ROBO2: variants seen among roughly 807,000 people sequenced by gnomAD.
ROBO2 encodes roundabout guidance receptor 2.
A neutral mutation model predicts 160.8 loss-of-function variants in ROBO2; 53 were observed. The observed-to-expected ratio is 0.33, with a 90% CI of 0.26 to 0.41. The LOEUF (loss-of-function observed/expected upper bound fraction) is 0.41. ROBO2 is among the 10% of genes least tolerant of loss of function. The pLI is 1.00. For missense variants in ROBO2, 1,577 were observed against 1,722.4 expected (o/e 0.92, Z 1.49); for synonymous variants, 664 against 611.7 (o/e 1.09, Z -1.26).
intron 2 of ROBO2, among the ~76,000 whole-genome samples, chr3:76,976,489 G>A (rs1430257496): frequency 1.3e-5 from 2 of 152,088 alleles, no homozygotes; most frequent in East Asian, 3.9e-4. Context: ...TTAATCTTTA[G>A]GTTGCATTTT....
At chr3:76,081,756 A>G (rs1381608302) in intron 2 of ROBO2, among the ~76,000 whole-genome samples, 1 of 152,092 alleles carries the variant, frequency 6.6e-6, no homozygotes. Flanking sequence ...TGTAGGTGGT[A>G]TGCTAAACTA....
chr3:77,299,817 A>G (rs1290792846), intron 2 of ROBO2, among the ~76,000 whole-genome samples: 1 of 152,112 alleles, frequency 6.6e-6, no homozygotes, highest in African/African-American at 2.4e-5. Context: ...ACAGAGAGGG[A>G]CGATAGAGTG....
At chr3:76,434,702 G>A in intron 2 of ROBO2, 1 of 1,085,742 alleles carries the variant, frequency 9.2e-7, no homozygotes, top group Non-Finnish European at 1.4e-6. Flanking sequence ...CCGTTCACCA[G>A]GCAGGCCCCC....
chr3:76,705,297 A>ATAG (rs1415708572), intron 2 of ROBO2, among the ~76,000 whole-genome samples: 4 of 152,184 alleles, frequency 2.6e-5, no homozygotes, highest in Non-Finnish European at 5.9e-5. Flanking sequence ...AATACAATGT[A>ATAG]TAGTAATACA....
chr3:76,028,245 A>G (rs1432180271), intron 2 of ROBO2, among the ~76,000 whole-genome samples: 3 of 27,300 alleles, frequency 1.1e-4, no homozygotes, highest in African/African-American at 1.7e-4. Flanking sequence ...ATATACTGAT[A>G]GAGCAAATAT....
chr3:76,885,931 C>T (rs184149449), intron 2 of ROBO2, among the ~76,000 whole-genome samples: 47 of 152,172 alleles, frequency 3.1e-4, no homozygotes, highest in African/African-American at 9.9e-4. Flanking sequence ...TGTGTGTTGG[C>T]AGGTGAGGAG....
At chr3:77,487,243 TC>T (rs2085479194) in intron 4 of ROBO2, among the ~76,000 whole-genome samples, 2 of 152,116 alleles carry the variant, frequency 1.3e-5, no homozygotes, top group African/African-American at 4.8e-5. Context: ...TATAATCCTT[TC>T]TTGAGTATAT....
chr3:76,150,393 A>C (rs1182306091), intron 2 of ROBO2, among the ~76,000 whole-genome samples: 1 of 149,554 alleles, frequency 6.7e-6, no homozygotes. Flanking sequence ...ACCTTTTTAA[A>C]ACACACATCT....
intron 2 of ROBO2, among the ~76,000 whole-genome samples, chr3:76,451,047 C>T (rs1559967886): frequency 6.6e-6 from 1 of 152,142 alleles, no homozygotes. Context: ...CATTGCCATT[C>T]GGGGTTCCAG....
At chr3:76,198,400 C>T (rs1004390037) in intron 2 of ROBO2, among the ~76,000 whole-genome samples, 2 of 152,144 alleles carry the variant, frequency 1.3e-5, no homozygotes, top group Admixed American at 1.3e-4. Flanking sequence ...CAATAAGATG[C>T]CAAATTCCAA....
chr3:76,218,340 G>T (rs564080025), intron 2 of ROBO2, among the ~76,000 whole-genome samples: 1 of 152,140 alleles, frequency 6.6e-6, no homozygotes, highest in Non-Finnish European at 1.5e-5. Flanking sequence ...AGGAAATAAA[G>T]GGCATTCAAT....
At chr3:76,909,359 T>C (rs566276479) in intron 2 of ROBO2, among the ~76,000 whole-genome samples, 11 of 152,238 alleles carry the variant, frequency 7.2e-5, no homozygotes, top group African/African-American at 2.6e-4. Flanking sequence ...GTGTCAACAA[T>C]ATGCTAGGAC....
At chr3:77,469,083 A>G (rs567862298) in intron 2 of ROBO2, among the ~76,000 whole-genome samples, 3 of 152,340 alleles carry the variant, frequency 2.0e-5, no homozygotes, top group African/African-American at 7.2e-5. Flanking sequence ...TTTCTTGTGA[A>G]TGACAATCTT....
chr3:77,248,006 C>A (rs1002093385), intron 2 of ROBO2, among the ~76,000 whole-genome samples: 1 of 152,094 alleles, frequency 6.6e-6, no homozygotes, highest in Non-Finnish European at 1.5e-5. Flanking sequence ...AGCCCCACCC[C>A]ACCCCCGTCC....
chr3:77,165,928 C>G (rs997795934), intron 2 of ROBO2, among the ~76,000 whole-genome samples: 1 of 152,148 alleles, frequency 6.6e-6, no homozygotes, highest in Non-Finnish European at 1.5e-5. Context: ...GCAAGCATTA[C>G]CCATCACCTA....
chr3:76,179,707 T>C (rs149833140), intron 2 of ROBO2, among the ~76,000 whole-genome samples: 3 of 152,270 alleles, frequency 2.0e-5, no homozygotes, highest in Non-Finnish European at 1.5e-5. Context: ...CTAGATCTGA[T>C]TTAGGCATTC....
chr3:77,609,540 GT>G (rs887309710), intron 21 of ROBO2, among the ~76,000 whole-genome samples: 5 of 151,332 alleles, frequency 3.3e-5, no homozygotes, highest in South Asian at 4.2e-4. Flanking sequence ...AATTTGGAGG[GT>G]TTTTTTTCCC....
intron 2 of ROBO2, among the ~76,000 whole-genome samples, chr3:76,084,709 A>G (rs1470794526): frequency 6.6e-6 from 1 of 152,044 alleles, no homozygotes; most frequent in Admixed American, 6.6e-5. Flanking sequence ...GGATTTTTAA[A>G]TTATGGTGTT....
intron 2 of ROBO2, among the ~76,000 whole-genome samples, chr3:77,007,480 A>G (rs570758042): frequency 6.6e-6 from 1 of 152,088 alleles, no homozygotes; most frequent in Non-Finnish European, 1.5e-5. Context: ...TCTTCTTCCT[A>G]CCCATTTTTT....
Sources: gnomAD v4.1 joint callset for allele counts (sites outside exome capture counted in the v4.1 genomes callset) on GRCh38, gnomAD v4.1.1 for gene constraint, MANE v1.5 for transcripts, NCBI Gene and HGNC (gene_info 2026-07-23, HGNC 2026-07-21) for gene names.